SYT1: variants seen among roughly 807,000 people sequenced by gnomAD.
SYT1 encodes synaptotagmin-1.
A neutral mutation model predicts 44.8 loss-of-function variants in SYT1; 8 were observed. The observed-to-expected ratio is 0.18, with a 90% CI of 0.10 to 0.32. SYT1 has a LOEUF of 0.32. Ranked by LOEUF, SYT1 falls within the 10% of genes least tolerant of loss-of-function variation. The pLI is 1.00. For missense variants in SYT1, 286 were observed against 509.3 expected (o/e 0.56, Z 4.22); for synonymous variants, 154 against 188.8 (o/e 0.82, Z 1.51).
At chr12:79,319,816 T>C (rs1378458252) in intron 8 of SYT1, among the ~76,000 whole-genome samples, 3 of 152,204 alleles carry the variant, frequency 2.0e-5, no homozygotes, top group Admixed American at 2.0e-4. Flanking sequence ...CATTCCACAA[T>C]AGTGCAAGTT....
chr12:78,946,527 C>T (rs1349121058), intron 1 of SYT1, among the ~76,000 whole-genome samples: 1 of 151,800 alleles, frequency 6.6e-6, no homozygotes, highest in African/African-American at 2.4e-5. Context: ...TGGTGGCACA[C>T]ACCTGCAATC....
intron 9 of SYT1, among the ~76,000 whole-genome samples, chr12:79,360,240 A>T (rs1006328572): frequency 2.6e-5 from 4 of 151,432 alleles, no homozygotes; most frequent in Non-Finnish European, 4.4e-5. Context: ...CTTTTGCTTT[A>T]TATAATGGAA....
At chr12:79,213,648 C>G (rs1020576465) in intron 3 of SYT1, among the ~76,000 whole-genome samples, 1 of 152,138 alleles carries the variant, frequency 6.6e-6, no homozygotes. Context: ...TCAGGCTGGG[C>G]GCCTGATGGC....
chr12:79,078,633 A>G (rs1876821529), intron 3 of SYT1, among the ~76,000 whole-genome samples: 1 of 152,078 alleles, frequency 6.6e-6, no homozygotes, highest in Non-Finnish European at 1.5e-5. Context: ...AGACCAACCC[A>G]TCACCTAGGT....
intron 9 of SYT1, among the ~76,000 whole-genome samples, chr12:79,358,491 GA>G (rs1883196382): frequency 6.6e-6 from 1 of 152,104 alleles, no homozygotes; most frequent in African/African-American, 2.4e-5. Flanking sequence ...TTACCAGTGA[GA>G]AAATTGAAGC....
chr12:78,929,409 C>CAAAAAAAAAAAAAAAAAAAAA lies in SYT1; in HGVS notation c.-216-48373_-216-48353dup. On this transcript the variant is annotated intron_variant, in intron 1 of 10. Transcript: ENST00000261205. ...TGGGTGACAGAGAGAGACTCCGTCC[C>CAAAAAAAAAAAAAAAAAAAAA]AAAAAAAAAAAAAAAAAAAAAAAAA... Among the ~76,000 whole-genome samples the CAAAAAAAAAAAAAAAAAAAAA allele has an allele frequency of 7.7e-3, 339 of 43,788 alleles. 166 individuals are homozygous for CAAAAAAAAAAAAAAAAAAAAA. The highest frequency in any genetic ancestry group is 0.02 in the East Asian group (19 of 940). 28.7% of individuals were successfully genotyped at this position (43,788 alleles called of 152,430 possible). A position where few individuals can be genotyped will look rare whatever the true frequency, so the allele number is the denominator to read the frequency against.
At chr12:78,883,618 G>T (rs551761380) in intron 1 of SYT1, among the ~76,000 whole-genome samples, 1 of 151,656 alleles carries the variant, frequency 6.6e-6, no homozygotes, top group African/African-American at 2.4e-5. Flanking sequence ...GTGAAGAGAT[G>T]ATGTATAATA....
At chr12:79,349,002 AG>A in intron 8 of SYT1, among the ~76,000 whole-genome samples, 1 of 22,178 alleles carries the variant, frequency 4.5e-5, no homozygotes, top group Admixed American at 3.5e-4. Context: ...AGAGAAGGAA[AG>A]AAAGAAAGAA....
In SYT1 at chr12:79,212,775, G is replaced by C. The variant is rs149799708; in HGVS notation, c.-17-4728G>C. ...ATACTTCTTCAGTACTGATTTAATT[G>C]TTTAATGATGCTTAAATGTTATTAG... On this transcript the variant is annotated intron_variant, in intron 3 of 10. Coordinates refer to ENST00000261205, the MANE Select transcript of SYT1 (RefSeq NM_005639.3). 1.8e-3 allele frequency among the ~76,000 whole-genome samples: 273 copies of C among 152,250 alleles called. 2 individuals carry two copies. The highest frequency in any genetic ancestry group is 0.01 in the Admixed American group (154 of 15,298).
chr12:78,911,535 C>T (rs1008647770), intron 1 of SYT1, among the ~76,000 whole-genome samples: 1 of 139,368 alleles, frequency 7.2e-6, no homozygotes, highest in South Asian at 2.3e-4. Context: ...CCTGGAAAGA[C>T]ATGGTTTAAG....
At chr12:78,921,247 C>A (rs556644517) in intron 1 of SYT1, among the ~76,000 whole-genome samples, 1 of 151,782 alleles carries the variant, frequency 6.6e-6, no homozygotes, top group Non-Finnish European at 1.5e-5. Context: ...TCAAATACAA[C>A]GGATTTTAAA....
At chr12:79,110,295 T>G (rs1482083670) in intron 3 of SYT1, among the ~76,000 whole-genome samples, 2 of 152,038 alleles carry the variant, frequency 1.3e-5, no homozygotes, top group Non-Finnish European at 2.9e-5. Flanking sequence ...TTCTGTTAGG[T>G]TTTCTCTGTA....
rs957379912 is a variant in SYT1 at position 79,045,295 on chromosome 12, C to T, written c.-83-2002C>T. 2.0e-5 allele frequency among the ~76,000 whole-genome samples: 3 copies of T among 152,206 alleles called. 1 individual carries two copies. The highest frequency in any genetic ancestry group is 4.1e-4 in the South Asian group (2 of 4,832). ...GAGACTACGTGGGCGTAGGACCCGC[C>T]GAGCCAGGTGCGGGATATAATCTCG... On this transcript the variant is annotated intron_variant, in intron 2 of 10. Transcript: ENST00000261205.
intron 1 of SYT1, among the ~76,000 whole-genome samples, chr12:78,947,236 T>C (rs1878707244): frequency 6.6e-6 from 1 of 152,190 alleles, no homozygotes; most frequent in Admixed American, 6.5e-5. Context: ...CTTGAGCTTT[T>C]AGGTACAACT....
At chr12:78,922,845 A>G (rs1477153057) in intron 1 of SYT1, among the ~76,000 whole-genome samples, 1 of 151,966 alleles carries the variant, frequency 6.6e-6, no homozygotes, top group Non-Finnish European at 1.5e-5. Flanking sequence ...CAACCCCATG[A>G]AGTACTATTA....
At chr12:79,268,863 T>G (rs900953665) in intron 4 of SYT1, among the ~76,000 whole-genome samples, 3 of 152,110 alleles carry the variant, frequency 2.0e-5, no homozygotes, top group African/African-American at 7.2e-5. Context: ...AAGCTCTGTT[T>G]AACAGAGTAA....
At chr12:78,889,667 TAAAG>T (rs58049352) in intron 1 of SYT1, among the ~76,000 whole-genome samples, 36,917 of 151,584 alleles carry the variant, frequency 0.24, 5,101 homozygotes, top group South Asian at 0.46. Context: ...TATTGATTTA[TAAAG>T]AAAGAAAGGT....
At chr12:79,395,577 T>C (rs1168651802) in intron 9 of SYT1, among the ~76,000 whole-genome samples, 1 of 152,048 alleles carries the variant, frequency 6.6e-6, no homozygotes, top group Admixed American at 6.6e-5. Flanking sequence ...TGTAGAGACG[T>C]CATCTCACTA....
chr12:79,332,781 T>A (rs894000317), intron 8 of SYT1, among the ~76,000 whole-genome samples: 1 of 152,208 alleles, frequency 6.6e-6, no homozygotes, highest in Non-Finnish European at 1.5e-5. Context: ...TAGCTAGTTA[T>A]ATGAAAATCT....
Sources: allele counts gnomAD v4.1 joint callset (sites outside exome capture counted in the v4.1 genomes callset), GRCh38; gene constraint gnomAD v4.1.1; transcripts MANE v1.5; gene names NCBI Gene and HGNC (gene_info 2026-07-23, HGNC 2026-07-21).